Variants in RYR2 observed in about 807,000 individuals in gnomAD.
The protein encoded by RYR2 is cardiac muscle ryanodine receptor-calcium release channel.
Under a neutral mutation model 601.1 loss-of-function variants are expected in RYR2, and 227 were observed. The observed-to-expected ratio is 0.38, with a 90% CI of 0.34 to 0.42. The LOEUF is 0.42. Among genes scored for constraint, RYR2 ranks in the 10% least tolerant of loss-of-function variants. RYR2 has a pLI of 1.00. For missense variants in RYR2, 4,646 were observed against 6,156.5 expected (o/e 0.75, Z 8.21); for synonymous variants, 2,223 against 2,175.1 (o/e 1.02, Z -0.61).
At chr1:237,535,480 C>CATAT (rs1357828363) in intron 25 of RYR2, among the ~76,000 whole-genome samples, 29 of 107,004 alleles carry the variant, frequency 2.7e-4, no homozygotes, top group African/African-American at 9.0e-4. Context: ...GAATCAAACA[C>CATAT]ACATACACAC....
intron 1 of RYR2, among the ~76,000 whole-genome samples, chr1:237,193,628 G>C (rs1439652332): frequency 6.6e-6 from 1 of 152,010 alleles, no homozygotes; most frequent in Admixed American, 6.5e-5. Flanking sequence ...TTTTTTTGAA[G>C]GGGTGAGGGG....
intron 80 of RYR2, among the ~76,000 whole-genome samples, chr1:237,754,575 T>C (rs1041103374): frequency 2.0e-5 from 3 of 152,210 alleles, no homozygotes; most frequent in African/African-American, 7.2e-5. Flanking sequence ...ATGAAAATGA[T>C]AGGACAGTTT....
intron 1 of RYR2, among the ~76,000 whole-genome samples, chr1:237,147,932 C>T (rs865777716): frequency 1.3e-4 from 20 of 152,222 alleles, no homozygotes; most frequent in Admixed American, 2.6e-4. Context: ...CACTAGTTAC[C>T]TTGATTTGGC....
At chr1:237,183,738 G>A (rs989218945) in intron 1 of RYR2, among the ~76,000 whole-genome samples, 1 of 152,132 alleles carries the variant, frequency 6.6e-6, no homozygotes, top group African/African-American at 2.4e-5. Flanking sequence ...TCCCACACAT[G>A]AACACAATAT....
intron 1 of RYR2, among the ~76,000 whole-genome samples, chr1:237,164,982 T>C (rs1676507416): frequency 6.6e-6 from 1 of 152,134 alleles, no homozygotes; most frequent in South Asian, 2.1e-4. Context: ...TTCTTTTTTT[T>C]TTTTTTTAAG....
chr1:237,549,317 G>A (rs767652748), intron 26 of RYR2, among the ~76,000 whole-genome samples: 4 of 152,198 alleles, frequency 2.6e-5, no homozygotes, highest in Admixed American at 6.5e-5. Context: ...GCTCACACTT[G>A]TAATCCCAGC....
At chr1:237,473,433 C>CTTTCTTTCTTTCT in intron 17 of RYR2, among the ~76,000 whole-genome samples, 4 of 89,312 alleles carry the variant, frequency 4.5e-5, no homozygotes, top group African/African-American at 1.2e-4. Flanking sequence ...CTCTCTCTCT[C>CTTTCTTTCTTTCT]TTTCTTTCTT....
intron 87 of RYR2, 133 bp from the exon 88 acceptor site, chr1:237,778,533 T>C (rs1422481285): frequency 1.7e-5 from 8 of 463,052 alleles, no homozygotes; most frequent in Middle Eastern, 3.1e-4. Context: ...TCACTTTGAG[T>C]TCCTATCTTT....
chr1:237,715,302 A>G (rs1307758054), intron 71 of RYR2, among the ~76,000 whole-genome samples: 1 of 152,222 alleles, frequency 6.6e-6, no homozygotes, highest in Non-Finnish European at 1.5e-5. Flanking sequence ...GGAAATAGGC[A>G]CTAAACAAAT....
Position 237,342,150 on chromosome 1 carries a change from A to C in RYR2, c.273+11168A>C, listed in dbSNP as rs12093108. 5.4e-3 allele frequency among the ~76,000 whole-genome samples: 547 copies of C among 100,828 alleles called. 6 individuals are homozygous for C. The highest frequency in any genetic ancestry group is 0.018 in the African/African-American group (521 of 28,306). 66.1% of individuals were successfully genotyped at this position (100,828 alleles called of 152,430 possible). On this transcript the variant is annotated intron_variant, in intron 3 of 104. Transcript: ENST00000366574. ...GTCTTCCTTTTTGTTGAGTTAAATAACTTCCTTTTTTTTTTTTGAGTTAAT... is the reference window on the plus strand; with the variant it reads ...GTCTTCCTTTTTGTTGAGTTAAATACCTTCCTTTTTTTTTTTTGAGTTAAT...
chr1:237,545,126 CTACT>C (rs1211967358), intron 25 of RYR2, among the ~76,000 whole-genome samples: 13 of 152,174 alleles, frequency 8.5e-5, no homozygotes, highest in Admixed American at 8.5e-4. Flanking sequence ...AATTATTGGG[CTACT>C]TAAACAGATG....
At chr1:237,422,430 A>T (rs116525405) in intron 11 of RYR2, among the ~76,000 whole-genome samples, 1 of 152,278 alleles carries the variant, frequency 6.6e-6, no homozygotes, top group East Asian at 1.9e-4. Flanking sequence ...TTACTGAAAC[A>T]TTCTATATTT....
At chr1:237,516,038 G>C (rs372858032) in intron 24 of RYR2, among the ~76,000 whole-genome samples, 32 of 134,104 alleles carry the variant, frequency 2.4e-4, no homozygotes, top group Middle Eastern at 4.5e-3. Flanking sequence ...TCCTTTTTCT[G>C]TCTCTTCCTC....
chr1:237,235,021 A>G (rs1685416893), intron 1 of RYR2, among the ~76,000 whole-genome samples: 1 of 152,124 alleles, frequency 6.6e-6, no homozygotes, highest in South Asian at 2.1e-4. Context: ...TTCAGGGTCC[A>G]CTTGGTGTCC....
rs193273933 is a variant in RYR2, at chr1:237,508,944, G to A, written c.2718+2130G>A. On this transcript the variant is annotated intron_variant, in intron 23 of 104. Coordinates refer to ENST00000366574, the MANE Select transcript of RYR2 (RefSeq NM_001035.3). The stretch of plus-strand genomic sequence containing the variant: ...TTTTTAGTAGAGACGGGGTTTCACC[G>A]TGTTAGCCAGGATGGTTTCGATCTC... Among the ~76,000 whole-genome samples, 1,487 of 151,346 alleles carry A rather than the reference G, an allele frequency of 9.8e-3. 14 individuals are homozygous for A. Among genetic ancestry groups the A allele is most frequent in the Middle Eastern group, 0.048 (14 of 294 alleles).
At chr1:237,398,267 G>A (rs552579049) in intron 10 of RYR2, among the ~76,000 whole-genome samples, 12 of 152,162 alleles carry the variant, frequency 7.9e-5, no homozygotes, top group African/African-American at 2.9e-4. Context: ...TTTTACAATT[G>A]AATCTCATCA....
intron 3 of RYR2, among the ~76,000 whole-genome samples, chr1:237,353,511 G>GAAA (rs61606386): frequency 1.1e-4 from 6 of 52,694 alleles, no homozygotes; most frequent in African/African-American, 2.7e-4. Flanking sequence ...TCCGTCTCAA[G>GAAA]AAAAAAAAAA....
At position 237,517,768 on chromosome 1, in the gene RYR2, A is replaced by G. The variant is rs189622279; in HGVS notation, c.2822+5977A>G. ...CTCAACAGAGTGGTACATTTATAAC[A>G]ATTGATAAACCTACATTGACACATC... is the stretch of plus-strand genomic sequence containing the variant. On this transcript the variant is annotated intron_variant, in intron 24 of 104. Transcript: ENST00000366574. 3.7e-3 allele frequency among the ~76,000 whole-genome samples: 563 copies of G among 152,298 alleles called. 4 individuals are homozygous for G. Among genetic ancestry groups the G allele is most frequent in the African/African-American group, 0.013 (541 of 41,556 alleles).
chr1:237,731,830 C>T (rs1482500009), intron 77 of RYR2, among the ~76,000 whole-genome samples: 1 of 151,492 alleles, frequency 6.6e-6, no homozygotes. Flanking sequence ...CATATACATA[C>T]AAGCTTTTAT....
Sources: gnomAD v4.1 joint callset for allele counts (sites outside exome capture counted in the v4.1 genomes callset) on GRCh38, gnomAD v4.1.1 for gene constraint, MANE v1.5 for transcripts, NCBI Gene and HGNC (gene_info 2026-07-23, HGNC 2026-07-21) for gene names.